CASKIN1: variants seen among roughly 807,000 people sequenced by gnomAD.
CASKIN1 encodes CASK interacting protein 1.
In CASKIN1, 42 loss-of-function variants were observed where a neutral mutation model predicts 117.5. The ratio of observed to expected loss-of-function variants is 0.36; its 90% CI spans 0.28 to 0.46. CASKIN1 has a LOEUF of 0.46. Among genes scored for constraint, CASKIN1 ranks in the 20% least tolerant of loss-of-function variants. The probability of loss-of-function intolerance (pLI) is 1.00; values close to 1 mark genes in which losing one functional copy is unlikely to be tolerated. For missense variants in CASKIN1, 2,083 were observed against 2,077.3 expected, an observed-to-expected ratio of 1.00 and a Z score of -0.05; for synonymous variants, 1,148 against 961.7, an observed-to-expected ratio of 1.19 and a Z score of -3.59.
chr16:2,192,815 C>T (rs1395388412), intron 1 of CASKIN1, among the ~76,000 whole-genome samples: 1 of 152,194 alleles, frequency 6.6e-6, no homozygotes, highest in African/African-American at 2.4e-5. Context: ...CAAGGGCCGT[C>T]ATCTGTTCTG....
At chr16:2,178,828 G>GC (rs2093155135) in intron 19 of CASKIN1, 74 bp downstream of exon 19, 3 of 1,184,638 alleles carry the variant, frequency 2.5e-6, no homozygotes, top group Admixed American at 3.9e-5. Flanking sequence ...GCCGAGCCCC[G>GC]CCCATCTCTG....
chr16:2,181,844 A>C lies in CASKIN1; in HGVS notation c.1715T>G (p.Phe572Cys). ...LVDNGYENID[F>C]ITDITWEDLQ... ...GTCCTCCCAGGTGATGTCGGTGATGAAATCAATGTTCTCGTAGCCATTGTC... is the reference window on the plus strand; with the variant it reads ...GTCCTCCCAGGTGATGTCGGTGATGCAATCAATGTTCTCGTAGCCATTGTC... The change falls in exon 17 of 20, where the codon TTC (phenylalanine) becomes TGC (cysteine). Residue 572 changes from phenylalanine (F) to cysteine (C), a missense_variant. This residue lies in a region of CASKIN1 where 1,818 missense variants were observed against 1,688.9 expected (regional missense o/e 1.08). Transcript: ENST00000343516. 6.2e-7 allele frequency: 1 copy of C among 1,613,782 alleles called. No individual in the cohort carries two copies. The highest frequency in any genetic ancestry group is 8.5e-7 in the Non-Finnish European group (1 of 1,179,978).
Position 2,178,147 on chromosome 16 carries a change from G to T in CASKIN1, c.*403C>A. ...ATAGCTTATATTCTGGGGGTGCGGT[G>T]GGGCAGGGGGGCCCTGACCTTGGTC... On this transcript the variant is annotated 3_prime_UTR_variant, in exon 20 of 20. Coordinates refer to ENST00000343516, the MANE Select transcript of CASKIN1 (RefSeq NM_020764.4). 2.0e-6 allele frequency: 1 copy of T among 493,542 alleles called. No homozygotes were observed. Among genetic ancestry groups the T allele is most frequent in the Non-Finnish European group, 3.9e-6 (1 of 257,432 alleles). 30.6% of individuals were successfully genotyped at this position (493,542 alleles called of 1,614,324 possible). A position where few individuals can be genotyped will look rare whatever the true frequency, so the allele number is the denominator to read the frequency against.
Position 2,179,372 on chromosome 16 carries a change from C to T in CASKIN1, c.3776-47G>A. 7.5e-7 allele frequency: 1 copy of T among 1,333,502 alleles called. No individual in the cohort carries two copies. Among genetic ancestry groups the T allele is most frequent in the Non-Finnish European group, 9.5e-7 (1 of 1,048,662 alleles). The allele number at this position is 1,333,502 out of a possible 1,614,324, so 82.6% of individuals were successfully genotyped here. On this transcript the variant is annotated intron_variant, in intron 18 of 19. Coordinates refer to ENST00000343516, the MANE Select transcript of CASKIN1 (RefSeq NM_020764.4). This position sits in a 1 kb window ranked among gnomAD's most constrained non-coding sequence, Gnocchi z 5.8. Reference sequence around the variant, plus strand: ...CACCGAGCGGGCACGAGTTCCGCCGCCGCGCCCCCTGCCCCAGCCTCCCGC... The same window carrying T: ...CACCGAGCGGGCACGAGTTCCGCCGTCGCGCCCCCTGCCCCAGCCTCCCGC...
At chr16:2,185,483 A>G in intron 10 of CASKIN1, 75 bp from the exon 11 acceptor site, 1 of 1,291,220 alleles carries the variant, frequency 7.7e-7, no homozygotes, top group Non-Finnish European at 1.1e-6. Context: ...CAGGACAGAG[A>G]CTGGCGCAGC....
In CASKIN1 at chr16:2,180,426, G is replaced by A. The variant is rs761409423; in HGVS notation, c.2942C>T (p.Ala981Val). Reference sequence around the variant, plus strand: ...CAGGTCACTGGCCCGCCGGCACTGTGCCCGGACCCCCAGCAGGCCATCCTC... The same window carrying A: ...CAGGTCACTGGCCCGCCGGCACTGTACCCGGACCCCCAGCAGGCCATCCTC... ...EPEDGLLGVRAQCRRASDLAG... is the reference protein window; with the variant it reads ...EPEDGLLGVRVQCRRASDLAG... Residue 981 changes from alanine to valine, a missense_variant, in exon 18 of 20, where the codon GCA (alanine) becomes GTA (valine). Coordinates refer to ENST00000343516, the MANE Select transcript of CASKIN1 (RefSeq NM_020764.4). The A allele has an allele frequency of 6.4e-7, 1 of 1,569,578 alleles. No homozygotes were observed. The highest frequency in any genetic ancestry group is 8.6e-7 in the Non-Finnish European group (1 of 1,165,122).
At chr16:2,190,453 G>T in intron 1 of CASKIN1, 95 bp from the exon 2 acceptor site, 2 of 1,101,188 alleles carry the variant, frequency 1.8e-6, no homozygotes, top group Non-Finnish European at 2.7e-6. Context: ...TCCCCGGCAG[G>T]CACAAAGCTG....
At chr16:2,195,249 G>C (rs1439255589) in intron 1 of CASKIN1, among the ~76,000 whole-genome samples, 1 of 152,208 alleles carries the variant, frequency 6.6e-6, no homozygotes, top group Admixed American at 6.5e-5. Context: ...GAAGTACGGG[G>C]GAGGGGGTCC....
In CASKIN1 at chr16:2,185,158, G is replaced by A. The variant is rs773895738; in HGVS notation, c.1192C>T (p.Arg398Trp). 3.0e-5 allele frequency: 48 copies of A among 1,608,914 alleles called. No homozygotes were observed. The South Asian group carries it at 4.7e-4, about 16-fold the overall frequency. Residue 398 changes from arginine (R) to tryptophan (W), a missense_variant, in exon 12 of 20, where the codon CGG becomes TGG. Transcript: ENST00000343516. ...TGTAGGGCGTGACCCCCGCTGCCCC[G>A]GCCGCCAGCCATGCCGCTAATGCTG... is the stretch of plus-strand genomic sequence containing the variant. ...SGSISGMAGG[R>W]GSGGHALHAG...
rs2093142362 is a variant in CASKIN1 at position 2,177,402 on chromosome 16, C to T, written c.*1148G>A. ...CTCCACCCGCCCCACACCACAATCG[C>T]TGGTTTTCGGCATTTTTTAAATTTT... On this transcript the variant is annotated 3_prime_UTR_variant, in exon 20 of 20. Coordinates refer to ENST00000343516, the MANE Select transcript of CASKIN1 (RefSeq NM_020764.4). 4.3e-6 allele frequency: 1 copy of T among 233,200 alleles called. No homozygotes were observed. Among genetic ancestry groups the T allele is most frequent in the East Asian group, 6.1e-5 (1 of 16,520 alleles). 14.4% of individuals were successfully genotyped at this position (233,200 alleles called of 1,614,324 possible).
intron 1 of CASKIN1, among the ~76,000 whole-genome samples, chr16:2,194,493 C>T (rs1328909416): frequency 6.6e-6 from 1 of 152,172 alleles, no homozygotes; most frequent in Non-Finnish European, 1.5e-5. Context: ...AAGCAAAGCT[C>T]ATGGGGACAG....
rs1000615724 is a variant in CASKIN1 at position 2,179,898 on chromosome 16, C to A, written c.3470G>T (p.Arg1157Leu). The A allele has an allele frequency of 6.2e-7, 1 of 1,605,248 alleles. No homozygotes were observed. The highest frequency in any genetic ancestry group is 8.5e-7 in the Non-Finnish European group (1 of 1,176,184). Residue 1157 changes from arginine (R) to leucine (L), a missense_variant, in exon 18 of 20, where the codon CGG becomes CTG. Physicochemically the swap from Arg to Leu is moderately radical, Grantham distance 102. This residue lies in a region of CASKIN1 where 1,818 missense variants were observed against 1,688.9 expected (regional missense o/e 1.08). Coordinates refer to ENST00000343516, the MANE Select transcript of CASKIN1 (RefSeq NM_020764.4). This position sits in a 1 kb window ranked among gnomAD's most constrained non-coding sequence, Gnocchi z 5.8. ...TVKRRPKAKE[R>L]EAGPEPPPPL... ...CGGTGGTGGCTCAGGCCCGGCCTCCCGCTCCTTGGCCTTGGGCCTGCGCTT... is the reference window on the plus strand; with the variant it reads ...CGGTGGTGGCTCAGGCCCGGCCTCCAGCTCCTTGGCCTTGGGCCTGCGCTT...
At position 2,180,772 on chromosome 16, in the gene CASKIN1, G is replaced by A; in HGVS notation, c.2596C>T (p.Pro866Ser). 7.0e-7 allele frequency: 1 copy of A among 1,430,540 alleles called. No individual in the cohort carries two copies. The highest frequency in any genetic ancestry group is 9.1e-7 in the Non-Finnish European group (1 of 1,100,572). The allele number at this position is 1,430,540 out of a possible 1,614,324, so 88.6% of individuals were successfully genotyped here. ...VPTAVPTLCL[P>S]PEADAEPGRP... ...CCCGGCTCCGCGTCGGCCTCAGGGG[G>A]CAGGCACAGTGTGGGCACAGCCGTC... is the stretch of plus-strand genomic sequence containing the variant. The change falls in exon 18 of 20, where the codon CCC becomes TCC. Residue 866 changes from proline (P) to serine (S), a missense_variant. Pro to Ser is a moderately conservative substitution (Grantham distance 74, BLOSUM62 -1). Around this residue, in one of 3 missense-constraint regions of CASKIN1, gnomAD observed 1,818 missense variants for 1,688.9 expected, o/e 1.08. Transcript: ENST00000343516.
At chr16:2,181,708 G>GGGCTGGGGCTGGGCTGGT in intron 17 of CASKIN1, 83 bp downstream of exon 17, 1 of 1,507,920 alleles carries the variant, frequency 6.6e-7, no homozygotes, top group Non-Finnish European at 8.9e-7. Context: ...GGCTGGGGCG[G>GGGCTGGGGCTGGGCTGGT]GGCTGGGGCT....
chr16:2,177,507 A>G lies in CASKIN1; in HGVS notation c.*1043T>C, dbSNP rs932646276. On this transcript the variant is annotated 3_prime_UTR_variant, in exon 20 of 20. Transcript: ENST00000343516. ...GAGGAGACCAGTCAGTACTTCTTGG[A>G]GGGGGCAGGAGGAGAGAGGAAAAGG... The G allele has an allele frequency of 5.2e-5, 12 of 232,642 alleles. No individual in the cohort carries two copies. The highest frequency in any genetic ancestry group is 2.2e-4 in the African/African-American group (10 of 45,200). 14.4% of individuals were successfully genotyped at this position (232,642 alleles called of 1,614,324 possible).
intron 6 of CASKIN1, 122 bp from the exon 7 acceptor site, chr16:2,187,583 G>T: frequency 2.8e-6 from 2 of 726,952 alleles, no homozygotes; most frequent in Non-Finnish European, 2.3e-6. Flanking sequence ...GGACCGTCCA[G>T]CCCTGCCCCA....
Position 2,187,342 on chromosome 16 carries a change from C to T in CASKIN1, c.726+11G>A. The T allele has an allele frequency of 6.2e-7, 1 of 1,613,240 alleles. No homozygotes were observed. Among genetic ancestry groups the T allele is most frequent in the Middle Eastern group, 1.6e-4 (1 of 6,062 alleles). On this transcript the variant is annotated intron_variant, in intron 7 of 19. Coordinates refer to ENST00000343516, the MANE Select transcript of CASKIN1 (RefSeq NM_020764.4). ...TCCACTGGGCCCAGCGCCCCTGGGC[C>T]CCACACTCACATCCAGCAGCAGCCG...
intron 3 of CASKIN1, 47 bp downstream of exon 3, chr16:2,190,026 C>A (rs1345758718): frequency 6.7e-7 from 1 of 1,481,978 alleles, no homozygotes; most frequent in Non-Finnish European, 9.4e-7. Flanking sequence ...GAGCCCCCCT[C>A]GCTGCCCCCG....
At chr16:2,190,927 C>T (rs2093199917) in intron 1 of CASKIN1, among the ~76,000 whole-genome samples, 1 of 152,208 alleles carries the variant, frequency 6.6e-6, no homozygotes, top group Admixed American at 6.5e-5. Flanking sequence ...TGGGCTGGCA[C>T]CTCTGAGCAA....
Sources: allele counts gnomAD v4.1 joint callset (sites outside exome capture counted in the v4.1 genomes callset), GRCh38; gene constraint gnomAD v4.1.1; regional missense constraint gnomAD v4.1.1; non-coding constraint Gnocchi (gnomAD v3.1); transcripts MANE v1.5; gene names NCBI Gene and HGNC (gene_info 2026-07-23, HGNC 2026-07-21).